Variants in TNRC6C observed in about 807,000 individuals in gnomAD.
TNRC6C encodes the protein trinucleotide repeat-containing gene 6C protein.
Under a neutral mutation model 153.7 loss-of-function variants are expected in TNRC6C, and 20 were observed. The observed-to-expected ratio is 0.13, with a 90% CI of 0.09 to 0.19. The LOEUF is 0.19. Ranked by LOEUF, TNRC6C falls within the 10% of genes least tolerant of loss-of-function variation. The pLI, the probability that TNRC6C is intolerant of heterozygous loss-of-function variation, is 1.00. For missense variants in TNRC6C, 1,987 were observed against 2,172.0 expected, an observed-to-expected ratio of 0.91 and a Z score of 1.69; for synonymous variants, 811 against 841.4, an observed-to-expected ratio of 0.96 and a Z score of 0.63.
intron 7 of TNRC6C, among the ~76,000 whole-genome samples, chr17:78,074,873 T>C (rs2073057688): frequency 6.6e-6 from 1 of 152,132 alleles, no homozygotes; most frequent in East Asian, 1.9e-4. Flanking sequence ...GCGGAGAGGA[T>C]AGAGGGCGGC....
intron 1 of TNRC6C, among the ~76,000 whole-genome samples, chr17:78,027,013 GA>G (rs901592769): frequency 6.6e-6 from 1 of 152,144 alleles, no homozygotes; most frequent in Non-Finnish European, 1.5e-5. Flanking sequence ...TGTTGATTTT[GA>G]AGTGTATCAA....
chr17:78,015,585 C>G (rs1166829545), intron 1 of TNRC6C, among the ~76,000 whole-genome samples: 1 of 152,194 alleles, frequency 6.6e-6, no homozygotes, highest in Non-Finnish European at 1.5e-5. Context: ...ATACCACATA[C>G]TGTGATGTTG....
intron 3 of TNRC6C, among the ~76,000 whole-genome samples, chr17:78,052,387 G>A (rs1193261701): frequency 1.3e-5 from 2 of 152,178 alleles, no homozygotes; most frequent in African/African-American, 2.4e-5. Flanking sequence ...GACCTGCCAT[G>A]TACTAGGCTG....
intron 13 of TNRC6C, among the ~76,000 whole-genome samples, chr17:78,089,628 C>A (rs904562539): frequency 1.3e-5 from 2 of 151,940 alleles, no homozygotes; most frequent in African/African-American, 4.8e-5. Flanking sequence ...ACCTGGAGTT[C>A]GCCATCTAGA....
chr17:78,064,745 C>T, exon 4 of TNRC6C: 14 of 1,613,710 alleles, frequency 8.7e-6, no homozygotes, highest in Non-Finnish European at 1.2e-5. Context: ...GGGAGAAATG[C>T]CTAATGTTCA....
At chr17:77,979,670 A>G (rs2071046534) in intron 1 of TNRC6C, among the ~76,000 whole-genome samples, 1 of 152,222 alleles carries the variant, frequency 6.6e-6, no homozygotes, top group South Asian at 2.1e-4. Flanking sequence ...ATAGTAAAAG[A>G]CATAATAACT....
At chr17:78,051,923 G>A (rs918289239) in intron 3 of TNRC6C, among the ~76,000 whole-genome samples, 1 of 152,218 alleles carries the variant, frequency 6.6e-6, no homozygotes, top group Admixed American at 6.5e-5. Flanking sequence ...ACAATAAAAG[G>A]TCCCAGATAC....
At chr17:77,986,846 C>A (rs1384712057) in intron 1 of TNRC6C, among the ~76,000 whole-genome samples, 1 of 152,070 alleles carries the variant, frequency 6.6e-6, no homozygotes, top group Non-Finnish European at 1.5e-5. Context: ...CTAAATGACT[C>A]CCAGGCACTG....
chr17:78,025,814 G>A (rs1227888662), intron 1 of TNRC6C, among the ~76,000 whole-genome samples: 1 of 152,154 alleles, frequency 6.6e-6, no homozygotes, highest in East Asian at 1.9e-4. Flanking sequence ...CAAGGCCAGG[G>A]AAATAGGAGC....
exon 13 of TNRC6C, chr17:78,087,014 C>T (rs754381689): frequency 7.8e-5 from 126 of 1,613,804 alleles, no homozygotes; most frequent in Non-Finnish European, 9.2e-5. Flanking sequence ...TCCCCTCGCA[C>T]CCACAGACTC....
chr17:78,040,114 C>T (rs2072263187), intron 2 of TNRC6C, among the ~76,000 whole-genome samples: 1 of 152,104 alleles, frequency 6.6e-6, no homozygotes, highest in Non-Finnish European at 1.5e-5. Context: ...TAAAATAATA[C>T]AGGGGAAACT....
intron 3 of TNRC6C, among the ~76,000 whole-genome samples, chr17:78,052,517 C>G (rs2072558107): frequency 6.6e-6 from 1 of 152,088 alleles, no homozygotes; most frequent in African/African-American, 2.4e-5. Flanking sequence ...TAGTGTTGGG[C>G]AGTGATGGTG....
At chr17:78,005,164 G>C (rs766720223) in intron 1 of TNRC6C, 85 bp downstream of exon 3, 16 of 951,130 alleles carry the variant, frequency 1.7e-5, no homozygotes, top group South Asian at 5.4e-5. Flanking sequence ...TTAAATTGAT[G>C]GTTAAAAAAC....
intron 1 of TNRC6C, among the ~76,000 whole-genome samples, chr17:78,022,094 G>T (rs1457685841): frequency 1.3e-5 from 2 of 152,116 alleles, no homozygotes; most frequent in Non-Finnish European, 2.9e-5. Context: ...CAGAATTTTA[G>T]ACTTTGCTGG....
In TNRC6C at chr17:78,049,422, A is replaced by C. The variant is rs1232011468; in HGVS notation, c.360A>C (p.Thr120=). The C allele has an allele frequency of 1.2e-6, 2 of 1,614,032 alleles. No homozygotes were observed. The highest frequency in any genetic ancestry group is 8.5e-7 in the Non-Finnish European group (1 of 1,179,886). ...TTGGACATGAAGGAACCGTGGCGAC[A>C]GGCAACCCTTCCAGTATTTGCAGTC... Residue 120 remains threonine (T), a synonymous_variant, in exon 3 of 20, where the codon ACA becomes ACC. Coordinates refer to ENST00000301624, the Ensembl canonical transcript of TNRC6C. This position sits in a 1 kb window ranked among gnomAD's most constrained non-coding sequence, Gnocchi z 4.1.
chr17:78,104,355 T>C lies in TNRC6C; in HGVS notation c.4713-130T>C. ...AACATTCACAGTCTGGGTTTGGAAA[T>C]AGCAGTGGCAAAACAGAAGCCACAG... On this transcript the variant is annotated intron_variant, in intron 19 of 19. Transcript: ENST00000301624. This position sits in a 1 kb window ranked among gnomAD's most constrained non-coding sequence, Gnocchi z 6.2. The C allele has an allele frequency of 7.8e-7, 1 of 1,284,746 alleles. No individual in the cohort carries two copies. The highest frequency in any genetic ancestry group is 1.0e-6 in the Non-Finnish European group (1 of 978,664). 79.6% of individuals were successfully genotyped at this position (1,284,746 alleles called of 1,614,324 possible).
exon 3 of TNRC6C, chr17:78,050,909 G>T: frequency 6.2e-7 from 1 of 1,613,996 alleles, no homozygotes; most frequent in Middle Eastern, 1.6e-4. Flanking sequence ...AAAAAAAATG[G>T]ATCTGGATGG....
chr17:78,033,179 T>C (rs1336264078), intron 2 of TNRC6C, among the ~76,000 whole-genome samples: 2 of 152,202 alleles, frequency 1.3e-5, no homozygotes, highest in Admixed American at 6.5e-5. Context: ...TGTGATGTGA[T>C]TGGTTGACAG....
Position 78,075,841 on chromosome 17 carries a change from G to A in TNRC6C, c.3060+563G>A, listed in dbSNP as rs1267956346. Among the ~76,000 whole-genome samples the A allele has an allele frequency of 1.3e-5, 2 of 151,972 alleles. No homozygotes were observed. Among genetic ancestry groups the A allele is most frequent in the Non-Finnish European group, 2.9e-5 (2 of 68,000 alleles). On this transcript the variant is annotated intron_variant, in intron 8 of 19. Transcript: ENST00000301624. This position sits in a 1 kb window ranked among gnomAD's most constrained non-coding sequence, Gnocchi z 4.2. ...TGGTGTGACTGCAAAGCGGAGAAAA[G>A]CATTGCACTAAATTCAATGCAAATG...
Sources: gnomAD v4.1 joint callset for allele counts (sites outside exome capture counted in the v4.1 genomes callset) on GRCh38, gnomAD v4.1.1 for gene constraint, Gnocchi (gnomAD v3.1) non-coding constraint, MANE v1.5 for transcripts, NCBI Gene and HGNC (gene_info 2026-07-23, HGNC 2026-07-21) for gene names.